The following CLCA1 variants were observed in gnomAD, a reference collection of about 807,000 sequenced individuals.
The protein encoded by CLCA1 is chloride channel accessory 1, also known as calcium-activated chloride channel regulator 1.
CLCA1 carries 59 observed loss-of-function variants against 85.6 expected under a neutral mutation model. The ratio of observed to expected loss-of-function variants is 0.69; its 90% CI spans 0.56 to 0.86. CLCA1 has a LOEUF of 0.86. Ranked by LOEUF, CLCA1 falls within the 40% of genes least tolerant of loss-of-function variation. The pLI is 0.00. For synonymous variants in CLCA1, 396 were observed against 398.3 expected, an observed-to-expected ratio of 0.99 and a Z score of 0.07; for missense variants, 1,022 against 1,101.4, an observed-to-expected ratio of 0.93 and a Z score of 1.02.
At chr1:86,491,242 C>G in intron 8 of CLCA1, 23 bp from the exon 9 acceptor site, 1 of 1,557,000 alleles carries the variant, frequency 6.4e-7, no homozygotes, top group Non-Finnish European at 8.8e-7. Flanking sequence ...AAAATAATTT[C>G]TGAAAATGTA....
intron 9 of CLCA1, among the ~76,000 whole-genome samples, chr1:86,492,039 AT>A (rs1211782209): frequency 1.3e-5 from 2 of 152,142 alleles, no homozygotes; most frequent in African/African-American, 4.8e-5. Flanking sequence ...AGAAAAATGT[AT>A]TTTTTCAATG....
At chr1:86,492,283 G>T (rs1370639616) in intron 9 of CLCA1, among the ~76,000 whole-genome samples, 1 of 152,166 alleles carries the variant, frequency 6.6e-6, no homozygotes, top group African/African-American at 2.4e-5. Context: ...ACCCATCTGG[G>T]TTATTCTGGT....
At chr1:86,485,776 C>T (rs1219974087) in intron 6 of CLCA1, among the ~76,000 whole-genome samples, 1 of 152,112 alleles carries the variant, frequency 6.6e-6, no homozygotes, top group Non-Finnish European at 1.5e-5. Flanking sequence ...AATTTATGAA[C>T]CAAGATCTGA....
chr1:86,480,223 CAAACAT>C (rs1437296191), intron 4 of CLCA1, among the ~76,000 whole-genome samples: 1 of 151,710 alleles, frequency 6.6e-6, no homozygotes, highest in African/African-American at 2.4e-5. Context: ...GCACACAAAC[CAAACAT>C]AAACTAAATA....
intron 5 of CLCA1, among the ~76,000 whole-genome samples, chr1:86,482,694 G>A (rs983181200): frequency 6.6e-5 from 10 of 152,138 alleles, no homozygotes; most frequent in Admixed American, 3.3e-4. Flanking sequence ...TTAACCCAGG[G>A]GGATTAGGCA....
rs5744348 is a variant in CLCA1, at chr1:86,481,032, ATT to A, written c.558-1170_558-1169del. On this transcript the variant is annotated intron_variant, in intron 4 of 13. Coordinates refer to ENST00000394711, the MANE Select transcript of CLCA1 (RefSeq NM_001285.4). ...AATTTTGTTTATTCATTGATGTTTT[ATT>A]TTAGTACTGACAAATTGGGAGGGGA... is the stretch of plus-strand genomic sequence containing the variant. Among the ~76,000 whole-genome samples the A allele has an allele frequency of 6.2e-3, 949 of 152,312 alleles. 6 individuals are homozygous for A. Among genetic ancestry groups the A allele is most frequent in the Middle Eastern group, 0.027 (8 of 294 alleles).
At chr1:86,491,890 G>C (rs1435970805) in intron 9 of CLCA1, among the ~76,000 whole-genome samples, 1 of 151,004 alleles carries the variant, frequency 6.6e-6, no homozygotes, top group Non-Finnish European at 1.5e-5. Flanking sequence ...TTAACTATGT[G>C]ACCTAGGCAA....
intron 4 of CLCA1, among the ~76,000 whole-genome samples, chr1:86,477,162 C>A (rs1453293519): frequency 6.6e-6 from 1 of 152,114 alleles, no homozygotes; most frequent in Admixed American, 6.5e-5. Flanking sequence ...CCTTATGTTG[C>A]CCAGGCTAGT....
chr1:86,486,785 T>A (rs1647989961), intron 7 of CLCA1, 32 bp downstream of exon 7: 1 of 1,592,122 alleles, frequency 6.3e-7, no homozygotes, highest in Non-Finnish European at 8.6e-7. Flanking sequence ...TAGTTTGGAA[T>A]GTTTGCAATT....
rs534056847 is a variant in CLCA1 at position 86,473,190 on chromosome 1, G to C, written c.163-227G>C. Among the ~76,000 whole-genome samples, 12 of 152,316 alleles carry C rather than the reference G, an allele frequency of 7.9e-5. No individual in the cohort carries two copies. The South Asian group carries it at 1.5e-3, about 18-fold the overall frequency. ...AAAAAGTGGTGCAGCCAGGATTAGAGTCTGTCTCCAGAGTCTGCATTGTTA... is the reference window on the plus strand; with the variant it reads ...AAAAAGTGGTGCAGCCAGGATTAGACTCTGTCTCCAGAGTCTGCATTGTTA... On this transcript the variant is annotated intron_variant, in intron 1 of 13. Transcript: ENST00000394711.
chr1:86,498,465 G>T, intron 12 of CLCA1, 107 bp from the exon 13 acceptor site: 2 of 1,095,960 alleles, frequency 1.8e-6, no homozygotes, highest in Non-Finnish European at 2.7e-6. Context: ...TGGAAGGAAA[G>T]AAGCAGAAGT....
rs1052768407 is a variant in CLCA1, at chr1:86,490,493, T to A, written c.1358-772T>A. Among the ~76,000 whole-genome samples the A allele has an allele frequency of 2.0e-5, 3 of 152,208 alleles. No homozygotes were observed. The East Asian group carries it at 5.8e-4, about 29-fold the overall frequency. On this transcript the variant is annotated intron_variant, in intron 8 of 13. Transcript: ENST00000394711. ...AAGTGTCCCTTTGTCCACTGTTTTT[T>A]CTTGCTGCTGTCACATATGTGCCTT...
At chr1:86,473,668 G>A (rs980932748) in intron 2 of CLCA1, 61 bp from the exon 3 acceptor site, 9 of 1,504,864 alleles carry the variant, frequency 6.0e-6, no homozygotes, top group Admixed American at 2.0e-5. Flanking sequence ...ACTCCAGTAC[G>A]AATATGGTTA....
At chr1:86,469,726 T>C (rs1244471659) in intron 1 of CLCA1, among the ~76,000 whole-genome samples, 1 of 152,192 alleles carries the variant, frequency 6.6e-6, no homozygotes, top group Non-Finnish European at 1.5e-5. Context: ...CAGGGGTATC[T>C]ATACCATTGA....
At chr1:86,486,875 T>C (rs1285636332) in intron 7 of CLCA1, 122 bp downstream of exon 7, 1 of 828,702 alleles carries the variant, frequency 1.2e-6, no homozygotes, top group East Asian at 2.6e-5. Context: ...CAAGGAGCAA[T>C]ATTCCATATT....
At position 86,494,397 on chromosome 1, in the gene CLCA1, G is replaced by T; in HGVS notation, c.1891G>T (p.Glu631Ter). 2 of 1,614,190 alleles carry T rather than the reference G, an allele frequency of 1.2e-6. No homozygotes were observed. Among genetic ancestry groups the T allele is most frequent in the Non-Finnish European group, 1.7e-6 (2 of 1,180,012 alleles). Residue 631 changes from glutamate to a stop codon, truncating the protein, a stop_gained, in exon 11 of 14, where the codon GAA becomes TAA. Coordinates refer to ENST00000394711, the MANE Select transcript of CLCA1 (RefSeq NM_001285.4). LOFTEE classifies it high-confidence loss of function. ...CAGGGCCAGTGTCACAGCCCTGATTGAATCAGTGAATGGAAAAACAGTTAC... is the reference window on the plus strand; with the variant it reads ...CAGGGCCAGTGTCACAGCCCTGATTTAATCAGTGAATGGAAAAACAGTTAC... ...ILRASVTALI[E>*]SVNGKTVTLE...
intron 5 of CLCA1, among the ~76,000 whole-genome samples, chr1:86,484,270 T>C (rs1647901545): frequency 6.6e-6 from 1 of 152,152 alleles, no homozygotes; most frequent in Admixed American, 6.5e-5. Context: ...AAGGGTGGAA[T>C]GGAAATTCTC....
Position 86,500,052 on chromosome 1 carries a change from A to AT in CLCA1, c.*12dup, listed in dbSNP as rs776897056. 6.0e-5 allele frequency: 93 copies of AT among 1,550,616 alleles called. No individual in the cohort carries two copies. In the East Asian group the frequency reaches 2.0e-3, roughly 34 times the overall value. On this transcript the variant is annotated 3_prime_UTR_variant, in exon 14 of 14. Transcript: ENST00000394711. Reference sequence around the variant, plus strand: ...GCAGCTGTCAATAGCCTAGGGCTGAATTTTTGTCAGATAAATAAAATAAAT... The same window carrying AT: ...GCAGCTGTCAATAGCCTAGGGCTGAATTTTTTGTCAGATAAATAAAATAAAT...
In CLCA1 at chr1:86,495,506, T is replaced by G; in HGVS notation, c.1944T>G (p.Gly648=). 1 of 1,610,162 alleles carries G rather than the reference T, an allele frequency of 6.2e-7. No individual in the cohort carries two copies. The highest frequency in any genetic ancestry group is 1.7e-5 in the Admixed American group (1 of 59,880). Residue 648 remains glycine, a splice_region_variant and synonymous_variant, in exon 12 of 14, where the codon GGT becomes GGG. Coordinates refer to ENST00000394711, the MANE Select transcript of CLCA1 (RefSeq NM_001285.4). ...VTLELLDNGA[G]ADATKDDGVY... ...TTAATTCCTTCATTCTTTATCAAGG[T>G]GCTGATGCTACTAAGGATGACGGTG...
Sources: allele counts gnomAD v4.1 joint callset (sites outside exome capture counted in the v4.1 genomes callset), GRCh38; gene constraint gnomAD v4.1.1; transcripts MANE v1.5; gene names NCBI Gene and HGNC (gene_info 2026-07-23, HGNC 2026-07-21).